Variants in ZMYM4 observed in about 807,000 individuals in gnomAD.
ZMYM4 encodes zinc finger MYM-type containing 4.
ZMYM4 carries 31 observed loss-of-function variants against 183.2 expected under a neutral mutation model. The ratio of observed to expected loss-of-function variants is 0.17; its 90% CI spans 0.13 to 0.23. The LOEUF is 0.23. Among genes scored for constraint, ZMYM4 ranks in the 10% least tolerant of loss-of-function variants. ZMYM4 has a pLI of 1.00. For synonymous variants in ZMYM4, 592 were observed against 631.2 expected, an observed-to-expected ratio of 0.94 and a Z score of 0.93; for missense variants, 1,273 against 1,840.3, an observed-to-expected ratio of 0.69 and a Z score of 5.64.
chr1:35,335,468 C>T (rs1642932926), intron 2 of ZMYM4, among the ~76,000 whole-genome samples: 1 of 151,980 alleles, frequency 6.6e-6, no homozygotes, highest in Non-Finnish European at 1.5e-5. Flanking sequence ...AACTCCTGAC[C>T]AGGACTCTTG....
intron 2 of ZMYM4, among the ~76,000 whole-genome samples, chr1:35,357,246 A>G (rs1245210532): frequency 2.6e-5 from 4 of 152,036 alleles, no homozygotes. Context: ...AGATAATCCA[A>G]CTCAAATCAA....
chr1:35,396,968 G>A, intron 19 of ZMYM4: 1 of 651,938 alleles, frequency 1.5e-6, no homozygotes, highest in South Asian at 6.8e-5. Context: ...TCTAGCAAGG[G>A]TGAAAAGAGT....
At chr1:35,310,835 C>T (rs1641761625) in intron 1 of ZMYM4, among the ~76,000 whole-genome samples, 1 of 152,144 alleles carries the variant, frequency 6.6e-6, no homozygotes, top group African/African-American at 2.4e-5. Context: ...GCCTCGGCCT[C>T]CCAAAGTGCT....
intron 26 of ZMYM4, among the ~76,000 whole-genome samples, chr1:35,410,674 G>T (rs2149036138): frequency 1.4e-5 from 2 of 147,774 alleles, no homozygotes; most frequent in African/African-American, 2.5e-5. Flanking sequence ...TTTTTTTCCA[G>T]TAGAGACGGG....
intron 1 of ZMYM4, among the ~76,000 whole-genome samples, chr1:35,283,407 A>G (rs1229321640): frequency 1.6e-5 from 2 of 127,170 alleles, no homozygotes; most frequent in South Asian, 2.4e-4. Flanking sequence ...GCGCAATCTC[A>G]GCTCACTGCA....
intron 5 of ZMYM4, chr1:35,365,971 G>T (rs1242860922): frequency 6.6e-6 from 1 of 152,120 alleles, no homozygotes; most frequent in Non-Finnish European, 1.5e-5. Context: ...CGTACTCAAG[G>T]CTAAAGGAAT....
chr1:35,402,647 C>T (rs763447256), intron 23 of ZMYM4, among the ~76,000 whole-genome samples: 4 of 151,816 alleles, frequency 2.6e-5, no homozygotes, highest in Non-Finnish European at 1.5e-5. Context: ...TTTCATTTTT[C>T]GTGTTCCTTA....
At chr1:35,308,725 GT>G (rs1217264765) in intron 1 of ZMYM4, among the ~76,000 whole-genome samples, 2 of 152,126 alleles carry the variant, frequency 1.3e-5, no homozygotes, top group Non-Finnish European at 2.9e-5. Flanking sequence ...GCTGGGCATG[GT>G]GGCGCATGCC....
At chr1:35,416,277 A>G (rs145878311) in intron 28 of ZMYM4, among the ~76,000 whole-genome samples, 1 of 152,350 alleles carries the variant, frequency 6.6e-6, no homozygotes, top group African/African-American at 2.4e-5. Flanking sequence ...TAATGTTCAG[A>G]AACTTAATCT....
intron 1 of ZMYM4, among the ~76,000 whole-genome samples, chr1:35,311,246 C>T (rs11581809): frequency 0.76 from 115,204 of 151,584 alleles, 48,417 homozygotes; most frequent in Non-Finnish European, 0.97. Context: ...ATGGTGAAAC[C>T]CCGTCTCTAC....
chr1:35,370,338 ATTTTTTTTTTT>A (rs35122134), intron 6 of ZMYM4, 23 bp from the exon 7 acceptor site: 123 of 1,129,096 alleles, frequency 1.1e-4, no homozygotes, highest in African/African-American at 2.6e-4. Context: ...TTTTCTTTCA[ATTTTTTTTTTT>A]TTTTTTTTTT....
intron 5 of ZMYM4, among the ~76,000 whole-genome samples, chr1:35,365,568 T>C (rs771759362): frequency 1.3e-5 from 2 of 152,210 alleles, no homozygotes; most frequent in Non-Finnish European, 2.9e-5. Flanking sequence ...GAAAATGTAG[T>C]AATTCAAATG....
At chr1:35,297,852 G>A (rs1641094060) in intron 1 of ZMYM4, among the ~76,000 whole-genome samples, 1 of 152,168 alleles carries the variant, frequency 6.6e-6, no homozygotes, top group South Asian at 2.1e-4. Flanking sequence ...CCATTTTTGT[G>A]TGCCTGTCTC....
chr1:35,385,970 C>A, intron 10 of ZMYM4, 104 bp from the exon 11 acceptor site: 1 of 714,234 alleles, frequency 1.4e-6, no homozygotes, highest in Non-Finnish European at 2.1e-6. Context: ...TACAACTTAC[C>A]CTGGCTCTTA....
intron 1 of ZMYM4, among the ~76,000 whole-genome samples, chr1:35,321,854 T>C (rs972465321): frequency 6.6e-6 from 1 of 152,030 alleles, no homozygotes; most frequent in East Asian, 1.9e-4. Flanking sequence ...CCTAGTGATC[T>C]TTTTTAACCT....
chr1:35,343,073 A>G (rs1271501426), intron 2 of ZMYM4, among the ~76,000 whole-genome samples: 1 of 152,180 alleles, frequency 6.6e-6, no homozygotes, highest in Non-Finnish European at 1.5e-5. Flanking sequence ...TGTCTCCATC[A>G]GTCTACATCT....
intron 1 of ZMYM4, among the ~76,000 whole-genome samples, chr1:35,287,003 A>G (rs1284217798): frequency 6.6e-6 from 1 of 151,352 alleles, no homozygotes; most frequent in Non-Finnish European, 1.5e-5. Context: ...AATCTAATGG[A>G]TGCTTTTCAG....
intron 2 of ZMYM4, among the ~76,000 whole-genome samples, chr1:35,341,601 A>G (rs1183114561): frequency 6.6e-6 from 1 of 151,948 alleles, no homozygotes; most frequent in Non-Finnish European, 1.5e-5. Context: ...TAAATCTAGT[A>G]GGCTTTTAAA....
intron 7 of ZMYM4, among the ~76,000 whole-genome samples, chr1:35,374,271 T>A (rs1187781852): frequency 3.3e-5 from 5 of 152,006 alleles, no homozygotes; most frequent in African/African-American, 1.2e-4. Context: ...CGACCTCAGA[T>A]GACCCACCCG....
Sources: gnomAD v4.1 joint callset for allele counts (sites outside exome capture counted in the v4.1 genomes callset) on GRCh38, gnomAD v4.1.1 for gene constraint, MANE v1.5 for transcripts, NCBI Gene and HGNC (gene_info 2026-07-23, HGNC 2026-07-21) for gene names.